CADM2: variants seen among roughly 807,000 people sequenced by gnomAD.
The protein encoded by CADM2 is immunoglobulin superfamily member 4D.
CADM2 carries 12 observed loss-of-function variants against 49.8 expected under a neutral mutation model. The observed-to-expected ratio is 0.24, with a 90% CI of 0.15 to 0.39. CADM2 has a LOEUF of 0.39. CADM2 is among the 10% of genes least tolerant of loss of function. The pLI is 1.00. For synonymous variants in CADM2, 214 were observed against 175.4 expected (o/e 1.22, Z -1.74); for missense variants, 378 against 492.3 (o/e 0.77, Z 2.20).
chr3:85,178,191 A>T (rs2040835557), intron 1 of CADM2, among the ~76,000 whole-genome samples: 1 of 151,960 alleles, frequency 6.6e-6, no homozygotes, highest in South Asian at 2.1e-4. Context: ...AGCATTAAAT[A>T]TAGCAATTTG....
intron 1 of CADM2, among the ~76,000 whole-genome samples, chr3:85,252,550 T>G (rs2042799264): frequency 6.6e-6 from 1 of 152,062 alleles, no homozygotes; most frequent in Non-Finnish European, 1.5e-5. Flanking sequence ...CATTAACACC[T>G]GCATGGTGCA....
chr3:85,862,985 A>G (rs2075593041), intron 3 of CADM2, among the ~76,000 whole-genome samples: 1 of 152,190 alleles, frequency 6.6e-6, no homozygotes, highest in South Asian at 2.1e-4. Context: ...AATGTTATCA[A>G]GAACTCTGCT....
At chr3:85,398,464 A>C (rs559658884) in intron 1 of CADM2, among the ~76,000 whole-genome samples, 37 of 152,324 alleles carry the variant, frequency 2.4e-4, no homozygotes, top group African/African-American at 8.7e-4. Flanking sequence ...CGCAATAAAC[A>C]TACATGTGCA....
intron 8 of CADM2, among the ~76,000 whole-genome samples, chr3:86,042,509 C>A (rs1176732081): frequency 6.6e-6 from 1 of 152,070 alleles, no homozygotes; most frequent in Non-Finnish European, 1.5e-5. Context: ...GACACATACA[C>A]CCTCCCAAGA....
chr3:86,040,368 C>T (rs150694282), intron 8 of CADM2, among the ~76,000 whole-genome samples: 1,580 of 152,098 alleles, frequency 0.01, 22 homozygotes, highest in Middle Eastern at 0.068. Context: ...CTAGAATAAC[C>T]AATGCAGAGA....
intron 2 of CADM2, among the ~76,000 whole-genome samples, chr3:85,786,861 T>C (rs1022971198): frequency 2.0e-5 from 3 of 152,076 alleles, no homozygotes; most frequent in African/African-American, 7.2e-5. Context: ...ATTATTTCTA[T>C]GATATTAGTC....
At chr3:85,948,296 G>C (rs999745988) in intron 7 of CADM2, among the ~76,000 whole-genome samples, 8 of 151,246 alleles carry the variant, frequency 5.3e-5, no homozygotes, top group South Asian at 2.1e-4. Context: ...TTGCTCTAAG[G>C]CTATTCAATA....
intron 8 of CADM2, chr3:85,979,355 TA>T (rs1212425708): frequency 6.6e-7 from 1 of 1,509,578 alleles, no homozygotes; most frequent in Non-Finnish European, 9.0e-7. Context: ...TTAGAAAGGT[TA>T]AAAACATTGA....
At chr3:85,476,179 A>G (rs2038966601) in intron 1 of CADM2, among the ~76,000 whole-genome samples, 1 of 151,932 alleles carries the variant, frequency 6.6e-6, no homozygotes, top group Non-Finnish European at 1.5e-5. Context: ...AATTTCATCT[A>G]TTGGTCAAAG....
Position 85,419,327 on chromosome 3 carries a change from G to A in CADM2, c.62-307195G>A, listed in dbSNP as rs186531012. On this transcript the variant is annotated intron_variant, in intron 1 of 9. Transcript: ENST00000383699. ...AAAAAAATTAGCTGGGCGTGGTGGC[G>A]GGCGCCTATAGTCCCAGCTACTCAG... is the stretch of plus-strand genomic sequence containing the variant. 8.8e-4 allele frequency among the ~76,000 whole-genome samples: 134 copies of A among 152,178 alleles called. 1 individual carries two copies. The highest frequency in any genetic ancestry group is 3.0e-3 in the African/African-American group (126 of 41,528).
intron 1 of CADM2, among the ~76,000 whole-genome samples, chr3:85,563,184 G>A (rs1197695581): frequency 1.3e-5 from 2 of 152,128 alleles, no homozygotes; most frequent in African/African-American, 4.8e-5. Context: ...GGAGTTAACA[G>A]AGGAACAGAG....
intron 8 of CADM2, among the ~76,000 whole-genome samples, chr3:85,996,522 T>C (rs75965565): frequency 0.065 from 9,888 of 152,076 alleles, 853 homozygotes; most frequent in African/African-American, 0.19. Context: ...TCCTTCTTCA[T>C]AGTACAACAG....
At chr3:85,595,737 T>C (rs1420453595) in intron 1 of CADM2, among the ~76,000 whole-genome samples, 2 of 151,986 alleles carry the variant, frequency 1.3e-5, no homozygotes, top group African/African-American at 4.8e-5. Flanking sequence ...ATAGTCTAAG[T>C]TGTAATAAAA....
intron 3 of CADM2, among the ~76,000 whole-genome samples, chr3:85,851,734 G>T (rs1466992115): frequency 1.3e-5 from 2 of 150,982 alleles, no homozygotes; most frequent in Admixed American, 1.3e-4. Context: ...CAGAGTAGTG[G>T]CAGATGGGAT....
At chr3:85,133,496 C>G (rs1033383452) in intron 1 of CADM2, among the ~76,000 whole-genome samples, 1 of 152,088 alleles carries the variant, frequency 6.6e-6, no homozygotes, top group Admixed American at 6.5e-5. Context: ...TTCACAAACC[C>G]TGAGCTAGAC....
chr3:85,305,742 T>A (rs1174680985), intron 1 of CADM2, among the ~76,000 whole-genome samples: 2 of 151,722 alleles, frequency 1.3e-5, no homozygotes, highest in Non-Finnish European at 3.0e-5. Flanking sequence ...TTCTCTTTTT[T>A]TCAGAGAATT....
At chr3:85,670,569 A>G (rs2065706555) in intron 1 of CADM2, among the ~76,000 whole-genome samples, 1 of 152,158 alleles carries the variant, frequency 6.6e-6, no homozygotes, top group South Asian at 2.1e-4. Flanking sequence ...AGATCTAAGC[A>G]AATCAAATTC....
intron 1 of CADM2, among the ~76,000 whole-genome samples, chr3:85,255,133 G>A (rs748695112): frequency 6.6e-6 from 1 of 151,976 alleles, no homozygotes; most frequent in Non-Finnish European, 1.5e-5. Context: ...ACAGTAAATA[G>A]CACTAACATG....
intron 3 of CADM2, among the ~76,000 whole-genome samples, chr3:85,836,098 T>G (rs989975034): frequency 6.6e-6 from 1 of 151,526 alleles, no homozygotes; most frequent in South Asian, 2.1e-4. Context: ...AAAAATGATG[T>G]TATTGACTTG....
Sources: gnomAD v4.1 joint callset for allele counts (sites outside exome capture counted in the v4.1 genomes callset) on GRCh38, gnomAD v4.1.1 for gene constraint, MANE v1.5 for transcripts, NCBI Gene and HGNC (gene_info 2026-07-23, HGNC 2026-07-21) for gene names.